The following UPF3A variants were observed in gnomAD, a reference collection of about 807,000 sequenced individuals.
UPF3A encodes the protein UPF3A regulator of nonsense mediated mRNA decay, also known as regulator of nonsense transcripts 3A.
In UPF3A, 42 loss-of-function variants were observed where a neutral mutation model predicts 53.5. The ratio of observed to expected loss-of-function variants is 0.78; its 90% CI spans 0.61 to 1.01. UPF3A has a LOEUF of 1.01. Ranked by LOEUF, UPF3A falls within the 50% of genes least tolerant of loss-of-function variation. UPF3A has a pLI of 0.00. For missense variants in UPF3A, 575 were observed against 598.0 expected (o/e 0.96, Z 0.40); for synonymous variants, 237 against 225.3 (o/e 1.05, Z -0.47).
intron 8 of UPF3A, among the ~76,000 whole-genome samples, chr13:114,299,351 TTC>T (rs1206769659): frequency 6.6e-6 from 1 of 152,222 alleles, no homozygotes; most frequent in Admixed American, 6.5e-5. Flanking sequence ...TTTTTTATTT[TTC>T]TCTGTGTTTG....
rs749299960 is a variant in UPF3A, at chr13:114,301,822, A to G, written c.1099A>G (p.Arg367Gly). Reference sequence around the variant, plus strand: ...ACAAAGATACCATGTGGATGACGGCAGGAGGCACAGAGCTCACCACGAGCC... The same window carrying G: ...ACAAAGATACCATGTGGATGACGGCGGGAGGCACAGAGCTCACCACGAGCC... ...EAQRYHVDDG[R>G]RHRAHHEPER... Residue 367 changes from arginine to glycine, a missense_variant, in exon 9 of 10, where the codon AGG becomes GGG. This residue lies in a region of UPF3A where 323 missense variants were observed against 415.2 expected (regional missense o/e 0.78). Coordinates refer to ENST00000375299, the MANE Select transcript of UPF3A (RefSeq NM_023011.4). The G allele has an allele frequency of 1.9e-6, 3 of 1,613,888 alleles. No individual in the cohort carries two copies. The highest frequency in any genetic ancestry group is 2.2e-5 in the South Asian group (2 of 91,056).
chr13:114,296,079 A>C lies in UPF3A; in HGVS notation c.847-2761A>C, dbSNP rs963729573. Among the ~76,000 whole-genome samples the C allele has an allele frequency of 3.3e-5, 5 of 152,092 alleles. No individual in the cohort carries two copies. The South Asian group carries it at 6.2e-4, about 19-fold the overall frequency. ...ACACCTACATAATGAAACCTTAATAATGCCTAAAGACAGGGCTTCCAGGGG... is the reference window on the plus strand; with the variant it reads ...ACACCTACATAATGAAACCTTAATACTGCCTAAAGACAGGGCTTCCAGGGG... On this transcript the variant is annotated intron_variant, in intron 7 of 9. Transcript: ENST00000375299.
At chr13:114,301,667 A>G (rs2086620330) in intron 8 of UPF3A, 64 bp from the exon 9 acceptor site, 1 of 1,541,268 alleles carries the variant, frequency 6.5e-7, no homozygotes, top group Non-Finnish European at 8.8e-7. Context: ...TGTGGTCTAG[A>G]AAGGAGGGTG....
At position 114,295,048 on chromosome 13, in the gene UPF3A, C is replaced by G. The variant is rs1290076627; in HGVS notation, c.846+3256C>G. Among the ~76,000 whole-genome samples, 12 of 142,306 alleles carry G rather than the reference C, an allele frequency of 8.4e-5. No individual in the cohort carries two copies. In the East Asian group the frequency reaches 2.2e-3, roughly 26 times the overall value. The allele number at this position is 142,306 out of a possible 152,430, so 93.4% of individuals were successfully genotyped here. A position where few individuals can be genotyped will look rare whatever the true frequency, so the allele number is the denominator to read the frequency against. ...AATGGCATGAACCCGGGAGGCGGAG[C>G]TTGCAGTGAGCCAAGATTGCGCCAC... is the stretch of plus-strand genomic sequence containing the variant. On this transcript the variant is annotated intron_variant, in intron 7 of 9. Coordinates refer to ENST00000375299, the MANE Select transcript of UPF3A (RefSeq NM_023011.4).
intron 2 of UPF3A, 200 bp from the exon 3 acceptor site, chr13:114,282,637 A>C (rs1356926550): frequency 2.0e-6 from 2 of 985,188 alleles, no homozygotes; most frequent in Non-Finnish European, 2.4e-6. Flanking sequence ...TGGAGAAGGG[A>C]CCTGAGTTCT....
chr13:114,291,870 T>G (rs994629172), intron 7 of UPF3A, 78 bp downstream of exon 7: 5 of 1,461,892 alleles, frequency 3.4e-6, no homozygotes, highest in Non-Finnish European at 4.6e-6. Flanking sequence ...TCTTAGTTCT[T>G]TAGAATTTTG....
chr13:114,286,745 C>A, intron 5 of UPF3A, 116 bp downstream of exon 5: 2 of 799,492 alleles, frequency 2.5e-6, no homozygotes, highest in Non-Finnish European at 1.9e-6. Flanking sequence ...ACAGGCTTGA[C>A]AGAAATGTAG....
chr13:114,294,696 ACG>A (rs1282141501), intron 7 of UPF3A, among the ~76,000 whole-genome samples: 8 of 149,004 alleles, frequency 5.4e-5, no homozygotes, highest in Non-Finnish European at 1.0e-4. Flanking sequence ...GTGGTGGCAC[ACG>A]CCTGTAGTCC....
chr13:114,298,687 A>T (rs1300539496), intron 7 of UPF3A, among the ~76,000 whole-genome samples, 153 bp from the exon 8 acceptor site: 1 of 152,208 alleles, frequency 6.6e-6, no homozygotes, highest in African/African-American at 2.4e-5. Context: ...CCACGTATTA[A>T]ACCAAAAACC....
At chr13:114,293,106 G>A (rs946770526) in intron 7 of UPF3A, among the ~76,000 whole-genome samples, 4 of 146,770 alleles carry the variant, frequency 2.7e-5, no homozygotes, top group Non-Finnish European at 4.5e-5. Flanking sequence ...TTTCCTGGCC[G>A]GGTGGGGTGG....
In UPF3A at chr13:114,299,151, A is replaced by G; in HGVS notation, c.1007+151A>G. 3 of 740,736 alleles carry G rather than the reference A, an allele frequency of 4.1e-6. No individual in the cohort carries two copies. The South Asian group carries it at 1.2e-4, about 30-fold the overall frequency. 45.9% of individuals were successfully genotyped at this position (740,736 alleles called of 1,614,324 possible). A position where few individuals can be genotyped will look rare whatever the true frequency, so the allele number is the denominator to read the frequency against. ...ACGTTAGCCTTCATTTCCCATCAGCATGGCAGGAACGTAGTGAACTCGTCT... is the reference window on the plus strand; with the variant it reads ...ACGTTAGCCTTCATTTCCCATCAGCGTGGCAGGAACGTAGTGAACTCGTCT... On this transcript the variant is annotated intron_variant, in intron 8 of 9. Transcript: ENST00000375299.
intron 5 of UPF3A, among the ~76,000 whole-genome samples, chr13:114,288,030 C>T (rs2084899872): frequency 1.3e-5 from 2 of 152,180 alleles, no homozygotes; most frequent in Admixed American, 6.5e-5. Flanking sequence ...GTCTTGAACT[C>T]CTGATCTCAG....
In UPF3A at chr13:114,281,616, CTGCGGCTCGGCGGAGAG is replaced by C; in HGVS notation, c.-17_-1del. The C allele has an allele frequency of 7.1e-7, 1 of 1,407,556 alleles. No homozygotes were observed. Among genetic ancestry groups the C allele is most frequent in the Non-Finnish European group, 9.2e-7 (1 of 1,082,630 alleles). 87.2% of individuals were successfully genotyped at this position (1,407,556 alleles called of 1,614,324 possible). ...GCGAGGTTTCGTCGGGGGCTGGCGG[CTGCGGCTCGGCGGAGAG>C]TGCGGCATGCGCTCGGAAAAGGAGG... is the stretch of plus-strand genomic sequence containing the variant. On this transcript the variant is annotated 5_prime_UTR_variant, in exon 1 of 10. Coordinates refer to ENST00000375299, the MANE Select transcript of UPF3A (RefSeq NM_023011.4).
At position 114,282,829 on chromosome 13, in the gene UPF3A, T is replaced by C. The variant is rs896486243; in HGVS notation, c.315-8T>C. On this transcript the variant is annotated splice_region_variant and splice_polypyrimidine_tract_variant and intron_variant, in intron 2 of 9. Coordinates refer to ENST00000375299, the MANE Select transcript of UPF3A (RefSeq NM_023011.4). ...ACTGACCATTTTCACTGTTATCTCT[T>C]ATTTCAGTCTTTATCCTCATCTCTA... The C allele has an allele frequency of 6.3e-7, 1 of 1,597,828 alleles. No homozygotes were observed. Among genetic ancestry groups the C allele is most frequent in the Admixed American group, 1.7e-5 (1 of 58,632 alleles).
chr13:114,298,953 C>T lies in UPF3A; in HGVS notation c.960C>T (p.Val320=), dbSNP rs374688050. The T allele has an allele frequency of 7.5e-6, 12 of 1,610,036 alleles. No individual in the cohort carries two copies. The highest frequency in any genetic ancestry group is 6.7e-5 in the East Asian group (3 of 44,736). ...AGGAATCCTGTGCCCCCGGTGCAGTCGTAAAAGCCAGGCCCATGGAAGGCT... is the reference window on the plus strand; with the variant it reads ...AGGAATCCTGTGCCCCCGGTGCAGTTGTAAAAGCCAGGCCCATGGAAGGCT... ...GKQESCAPGA[V]VKARPMEGSL... The change falls in exon 8 of 10, where the codon GTC becomes GTT. Residue 320 remains valine (V), a synonymous_variant. Transcript: ENST00000375299.
intron 8 of UPF3A, among the ~76,000 whole-genome samples, chr13:114,300,603 G>A (rs934695323): frequency 2.6e-5 from 4 of 151,380 alleles, no homozygotes; most frequent in South Asian, 2.1e-4. Context: ...GCAATGGTGC[G>A]ATCTCAGCTC....
At chr13:114,302,098 C>T in intron 9 of UPF3A, 73 bp downstream of exon 9, 1 of 1,369,336 alleles carries the variant, frequency 7.3e-7, no homozygotes, top group Non-Finnish European at 9.5e-7. Context: ...ACCATGTCAC[C>T]CCCACTTGGC....
rs1168152692 is a variant in UPF3A at position 114,282,118 on chromosome 13, C to A, written c.305C>A (p.Ala102Asp). Residue 102 changes from alanine to aspartate, a missense_variant, in exon 2 of 10, where the codon GCC (alanine) becomes GAC (aspartate). This residue lies in a region of UPF3A where 252 missense variants were observed against 182.7 expected (regional missense o/e 1.38). Coordinates refer to ENST00000375299, the MANE Select transcript of UPF3A (RefSeq NM_023011.4). ...CACGACTACTTCGAGTTCTTCGCCG[C>A]CGACCTGAGGTGAGGCCCGCCCCGA... ...PAHDYFEFFA[A>D]DLSLYPHLYS... 1.1e-5 allele frequency: 17 copies of A among 1,563,424 alleles called. No individual in the cohort carries two copies. Among genetic ancestry groups the A allele is most frequent in the Non-Finnish European group, 1.5e-5 (17 of 1,155,102 alleles).
At chr13:114,283,901 G>T in intron 3 of UPF3A, 1 of 985,398 alleles carries the variant, frequency 1.0e-6, no homozygotes, top group Non-Finnish European at 1.2e-6. Flanking sequence ...TGACACTGAT[G>T]AGTGTTTTCT....
Sources: allele counts gnomAD v4.1 joint callset (sites outside exome capture counted in the v4.1 genomes callset), GRCh38; gene constraint gnomAD v4.1.1; regional missense constraint gnomAD v4.1.1; transcripts MANE v1.5; gene names NCBI Gene and HGNC (gene_info 2026-07-23, HGNC 2026-07-21).